Variants in GPAT3 observed in about 807,000 individuals in gnomAD.
GPAT3 encodes 1-AGP acyltransferase 9.
GPAT3 carries 53 observed loss-of-function variants against 58.8 expected under a neutral mutation model. The observed-to-expected ratio is 0.90, with a 90% confidence interval of 0.72 to 1.13. The LOEUF is 1.13. Among genes scored for constraint, GPAT3 ranks in the 50% most tolerant of loss-of-function variants. The probability of loss-of-function intolerance (pLI) is 0.00; values close to 1 mark genes in which losing one functional copy is unlikely to be tolerated. For synonymous variants in GPAT3, 197 were observed against 187.4 expected, an observed-to-expected ratio of 1.05 and a Z score of -0.42; for missense variants, 511 against 527.6, an observed-to-expected ratio of 0.97 and a Z score of 0.31.
chr4:83,560,816 G>A (rs1725101591), intron 2 of GPAT3, among the ~76,000 whole-genome samples: 2 of 152,104 alleles, frequency 1.3e-5, no homozygotes, highest in South Asian at 4.1e-4. Context: ...ATTTAAGCGT[G>A]TGGTACCTCC....
At chr4:83,566,222 A>G (rs919184910) in intron 2 of GPAT3, among the ~76,000 whole-genome samples, 1 of 152,066 alleles carries the variant, frequency 6.6e-6, no homozygotes, top group Non-Finnish European at 1.5e-5. Context: ...GTATTTTTGT[A>G]GAGACGGCAT....
intron 2 of GPAT3, among the ~76,000 whole-genome samples, chr4:83,563,406 G>A (rs1301115864): frequency 1.4e-5 from 2 of 144,998 alleles, no homozygotes; most frequent in African/African-American, 5.1e-5. Flanking sequence ...TCTCTCCATT[G>A]TTTCTTTATG....
intron 6 of GPAT3, among the ~76,000 whole-genome samples, chr4:83,594,465 A>G (rs545248076): frequency 6.6e-6 from 1 of 152,272 alleles, no homozygotes; most frequent in South Asian, 2.1e-4. Context: ...CCACCAAGCA[A>G]TGTTTGAAAG....
Position 83,540,328 on chromosome 4 carries a change from GC to G in GPAT3, c.141+3567del, listed in dbSNP as rs557708086. 1.1e-4 allele frequency among the ~76,000 whole-genome samples: 17 copies of G among 152,292 alleles called. No homozygotes were observed. The East Asian group carries it at 3.3e-3, about 29-fold the overall frequency. Reference sequence around the variant, plus strand: ...GGGCAGAGAATGTGGGTTGTTAGAAGCCACTTTTGTACTTTAGGACCATTTC... The same window carrying G: ...GGGCAGAGAATGTGGGTTGTTAGAAGCACTTTTGTACTTTAGGACCATTTC... On this transcript the variant is annotated intron_variant, in intron 1 of 11. Transcript: ENST00000264409.
At chr4:83,581,977 AAT>A in intron 3 of GPAT3, 145 bp downstream of exon 3, 1 of 1,084,080 alleles carries the variant, frequency 9.2e-7, no homozygotes, top group Non-Finnish European at 1.3e-6. Context: ...CCTCTAAAGG[AAT>A]GTATTACGTA....
intron 11 of GPAT3, among the ~76,000 whole-genome samples, chr4:83,601,296 A>G (rs1016398962): frequency 6.6e-6 from 1 of 152,216 alleles, no homozygotes; most frequent in African/African-American, 2.4e-5. Context: ...TTCAGGGAGG[A>G]CTTACTGTAC....
chr4:83,580,900 T>C (rs1022218285), intron 2 of GPAT3, among the ~76,000 whole-genome samples: 1 of 151,872 alleles, frequency 6.6e-6, no homozygotes, highest in African/African-American at 2.4e-5. Context: ...ATTGAGACCA[T>C]CCTGGCTAAC....
At chr4:83,601,461 G>C (rs1437642722) in intron 11 of GPAT3, among the ~76,000 whole-genome samples, 2 of 152,132 alleles carry the variant, frequency 1.3e-5, no homozygotes, top group African/African-American at 2.4e-5. Flanking sequence ...TCTAAAATTT[G>C]TTATGCAAGG....
chr4:83,604,093 C>T (rs6856827), intron 11 of GPAT3, among the ~76,000 whole-genome samples: 46,599 of 151,904 alleles, frequency 0.31, 7,262 homozygotes, highest in Middle Eastern at 0.43. Flanking sequence ...GTTTTTGAGA[C>T]GAAGTTTTGC....
rs189228070 is a variant in GPAT3 at position 83,563,003 on chromosome 4, T to C, written c.208+18401T>C. The stretch of plus-strand genomic sequence containing the variant: ...GAATTTATACACATGAGGTGGGAGA[T>C]TATTAGGGACTTCTAAAGCTAGCAC... On this transcript the variant is annotated intron_variant, in intron 2 of 11. Coordinates refer to ENST00000264409, the MANE Select transcript of GPAT3 (RefSeq NM_032717.5). 1.8e-4 allele frequency among the ~76,000 whole-genome samples: 28 copies of C among 152,250 alleles called. 1 individual carries two copies. The highest frequency in any genetic ancestry group is 7.4e-5 in the Non-Finnish European group (5 of 68,018).
At chr4:83,553,326 A>G (rs900606766) in intron 2 of GPAT3, among the ~76,000 whole-genome samples, 1 of 152,266 alleles carries the variant, frequency 6.6e-6, no homozygotes. Context: ...TAGCTAGGAC[A>G]TTCATAAAAT....
chr4:83,562,341 AAGGCTTTAAGTGAATGCC>A (rs1725207289), intron 2 of GPAT3, among the ~76,000 whole-genome samples: 1 of 150,202 alleles, frequency 6.7e-6, no homozygotes, highest in African/African-American at 2.5e-5. Flanking sequence ...CAAATCCTAA[AAGGCTTTAAGTGAATGCC>A]AGGCTAGGAA....
intron 3 of GPAT3, among the ~76,000 whole-genome samples, chr4:83,586,577 T>C (rs1349069385): frequency 2.0e-5 from 3 of 152,244 alleles, no homozygotes; most frequent in Non-Finnish European, 4.4e-5. Flanking sequence ...AAACTATTGA[T>C]TTTTCTTCTC....
intron 11 of GPAT3, among the ~76,000 whole-genome samples, chr4:83,601,319 G>C (rs989452554): frequency 6.6e-5 from 10 of 152,216 alleles, no homozygotes; most frequent in African/African-American, 2.2e-4. Context: ...CATTATGCAA[G>C]GGTGGGGAAT....
chr4:83,562,234 ATAAT>A lies in GPAT3; in HGVS notation c.208+17633_208+17636del, dbSNP rs1334758292. Reference sequence around the variant, plus strand: ...TATTATATATATATATAATATATATATAATATATATATATAAAATATAGTTTGGC... The same window carrying A: ...TATTATATATATATATAATATATATAATATATATATAAAATATAGTTTGGC... On this transcript the variant is annotated intron_variant, in intron 2 of 11. Transcript: ENST00000264409. 3.3e-3 allele frequency among the ~76,000 whole-genome samples: 255 copies of A among 76,768 alleles called. 2 individuals are homozygous for A. Among genetic ancestry groups the A allele is most frequent in the African/African-American group, 0.012 (241 of 19,658 alleles). 50.4% of individuals were successfully genotyped at this position (76,768 alleles called of 152,430 possible).
intron 2 of GPAT3, among the ~76,000 whole-genome samples, chr4:83,563,514 CT>C (rs1725262577): frequency 1.6e-5 from 2 of 127,676 alleles, no homozygotes; most frequent in Non-Finnish European, 3.2e-5. Flanking sequence ...TGGAGTCTCA[CT>C]CTGTCTCCCA....
chr4:83,570,413 G>A (rs2110088253), intron 2 of GPAT3, among the ~76,000 whole-genome samples: 1 of 152,122 alleles, frequency 6.6e-6, no homozygotes, highest in South Asian at 2.1e-4. Flanking sequence ...ATATACATGG[G>A]AAGATAGGAT....
intron 2 of GPAT3, among the ~76,000 whole-genome samples, chr4:83,548,343 G>T (rs1724622801): frequency 6.6e-6 from 1 of 152,148 alleles, no homozygotes; most frequent in South Asian, 2.1e-4. Context: ...CTTTTAAGAG[G>T]CACCAGCCTT....
At chr4:83,570,451 G>C (rs1578179400) in intron 2 of GPAT3, among the ~76,000 whole-genome samples, 1 of 151,280 alleles carries the variant, frequency 6.6e-6, no homozygotes, top group African/African-American at 2.4e-5. Context: ...TGAAACTATA[G>C]CTAGAAATTT....
Sources: gnomAD v4.1 joint callset for allele counts (sites outside exome capture counted in the v4.1 genomes callset) on GRCh38, gnomAD v4.1.1 for gene constraint, MANE v1.5 for transcripts, NCBI Gene and HGNC (gene_info 2026-07-23, HGNC 2026-07-21) for gene names.